Variants in TLK2 observed in about 807,000 individuals in gnomAD.
TLK2 encodes tousled like kinase 2, also known as serine/threonine-protein kinase tousled-like 2.
TLK2 carries 6 observed loss-of-function variants against 117.3 expected under a neutral mutation model. That is an observed-to-expected ratio of 0.05 (90% CI 0.03 to 0.10). The LOEUF (loss-of-function observed/expected upper bound fraction) is 0.10. TLK2 is among the 10% of genes least tolerant of loss of function. TLK2 has a pLI of 1.00. For missense variants in TLK2, 299 were observed against 901.2 expected (o/e 0.33, Z 8.56); for synonymous variants, 257 against 316.7 (o/e 0.81, Z 2.00).
intron 9 of TLK2, among the ~76,000 whole-genome samples, chr17:62,555,881 G>A (rs1426799098): frequency 1.3e-5 from 2 of 152,056 alleles, no homozygotes; most frequent in Non-Finnish European, 2.9e-5. Flanking sequence ...CCCAGTCCCC[G>A]CCTGATGTGA....
intron 16 of TLK2, among the ~76,000 whole-genome samples, chr17:62,587,988 T>C (rs1205731832): frequency 4.7e-5 from 7 of 149,252 alleles, no homozygotes; most frequent in Non-Finnish European, 8.9e-5. Flanking sequence ...CATCTGTATA[T>C]GTATAAAATA....
intron 16 of TLK2, among the ~76,000 whole-genome samples, chr17:62,595,162 A>G (rs1328873418): frequency 2.6e-5 from 4 of 151,858 alleles, no homozygotes. Context: ...GGGTTTCACC[A>G]TGTTGGGTCA....
At chr17:62,529,188 A>G (rs566428154) in intron 6 of TLK2, among the ~76,000 whole-genome samples, 131 of 152,124 alleles carry the variant, frequency 8.6e-4, no homozygotes, top group African/African-American at 2.9e-3. Context: ...ATTTTGTTTT[A>G]TGTATTATGA....
intron 7 of TLK2, among the ~76,000 whole-genome samples, chr17:62,541,651 G>A (rs893922607): frequency 3.3e-5 from 5 of 152,098 alleles, no homozygotes; most frequent in Non-Finnish European, 7.4e-5. Context: ...TGTTGCCCAG[G>A]CTGGGGTACG....
Position 62,596,645 on chromosome 17 carries a change from G to C in TLK2, c.1521G>C (p.Leu507=). 2 of 1,614,142 alleles carry C rather than the reference G, an allele frequency of 1.2e-6. No individual in the cohort carries two copies. Among genetic ancestry groups the C allele is most frequent in the Non-Finnish European group, 1.7e-6 (2 of 1,180,000 alleles). Residue 507 remains leucine (L), a synonymous_variant, in exon 17 of 22, where the codon CTG becomes CTC. Transcript: ENST00000346027. The part of the protein sequence containing the change: ...KELDHPRIVK[L]YDYFSLDTDS... ...TGGATCATCCCAGAATAGTTAAGCT[G>C]TATGATTACTTTTCACTGGATACTG...
chr17:62,555,742 G>A (rs892559041), intron 9 of TLK2, among the ~76,000 whole-genome samples: 1 of 151,960 alleles, frequency 6.6e-6, no homozygotes, highest in African/African-American at 2.4e-5. Context: ...CTCCCAAAGT[G>A]CTGGGATTAC....
intron 6 of TLK2, among the ~76,000 whole-genome samples, chr17:62,534,670 A>G (rs530106551): frequency 6.6e-6 from 1 of 152,172 alleles, no homozygotes; most frequent in South Asian, 2.1e-4. Context: ...AAATGACACT[A>G]AAAATCTTTA....
At chr17:62,498,973 C>G (rs1251027504) in intron 2 of TLK2, among the ~76,000 whole-genome samples, 3 of 152,142 alleles carry the variant, frequency 2.0e-5, no homozygotes, top group Non-Finnish European at 4.4e-5. Flanking sequence ...CGAGACCCTC[C>G]CACCTCAGCC....
chr17:62,497,644 A>C (rs886342502), intron 2 of TLK2, among the ~76,000 whole-genome samples: 1 of 152,212 alleles, frequency 6.6e-6, no homozygotes, highest in African/African-American at 2.4e-5. Context: ...CCTTTCATCT[A>C]TTAGGAGTTG....
At chr17:62,475,986 C>T (rs948387831), upstream of TLK2, among the ~76,000 whole-genome samples, 2 of 146,788 alleles carry the variant, frequency 1.4e-5, no homozygotes, top group African/African-American at 2.5e-5. Flanking sequence ...ATTTTATTAT[C>T]ATTATTTTTG....
chr17:62,555,528 G>C (rs550173291), intron 9 of TLK2, among the ~76,000 whole-genome samples: 1 of 150,402 alleles, frequency 6.6e-6, no homozygotes, highest in East Asian at 1.9e-4. Context: ...TGTCGCCCAG[G>C]CTGAAGTGCA....
rs1321758167 is a variant in TLK2 at position 62,609,582 on chromosome 17, C to T, written c.2079+1434C>T. Reference sequence around the variant, plus strand: ...TCCCCATTGTTCAACAGTTTAAGTACTGCATAACCAAGAAATCAAATCTGC... The same window carrying T: ...TCCCCATTGTTCAACAGTTTAAGTATTGCATAACCAAGAAATCAAATCTGC... On this transcript the variant is annotated intron_variant, in intron 21 of 21. Coordinates refer to ENST00000346027, the MANE Select transcript of TLK2 (RefSeq NM_006852.6). Among the ~76,000 whole-genome samples, 6 of 152,318 alleles carry T rather than the reference C, an allele frequency of 3.9e-5. No individual in the cohort carries two copies. In the South Asian group the frequency reaches 1.2e-3, roughly 32 times the overall value.
At chr17:62,568,431 C>CAAAAAA (rs57725124) in intron 11 of TLK2, among the ~76,000 whole-genome samples, 1 of 57,370 alleles carries the variant, frequency 1.7e-5, no homozygotes, top group Non-Finnish European at 3.7e-5. Context: ...GACCCTGTCT[C>CAAAAAA]AAAAAAAAAA....
At chr17:62,484,052 G>C (rs543010584) in intron 2 of TLK2, among the ~76,000 whole-genome samples, 1 of 151,902 alleles carries the variant, frequency 6.6e-6, no homozygotes, top group Non-Finnish European at 1.5e-5. Flanking sequence ...TCGAACTCCC[G>C]ACCTTGTGAT....
In TLK2 at chr17:62,596,661, C is replaced by G; in HGVS notation, c.1537C>G (p.Leu513Val). The G allele has an allele frequency of 6.2e-7, 1 of 1,613,952 alleles. No homozygotes were observed. Among genetic ancestry groups the G allele is most frequent in the Non-Finnish European group, 8.5e-7 (1 of 1,179,840 alleles). Reference protein sequence around the residue: ...RIVKLYDYFSLDTDSFCTVLE... With the variant: ...RIVKLYDYFSVDTDSFCTVLE... ...AGTTAAGCTGTATGATTACTTTTCA[C>G]TGGATACTGACTCGTAAGTGCTGTG... is the stretch of plus-strand genomic sequence containing the variant. The change falls in exon 17 of 22, where the codon CTG becomes GTG. Residue 513 changes from leucine to valine, a missense_variant. Transcript: ENST00000346027.
chr17:62,524,580 A>G (rs547170238), intron 6 of TLK2, among the ~76,000 whole-genome samples: 1 of 152,352 alleles, frequency 6.6e-6, no homozygotes, highest in Admixed American at 6.5e-5. Context: ...TCAGTAGTCT[A>G]TCAAAGAATT....
intron 7 of TLK2, among the ~76,000 whole-genome samples, chr17:62,548,632 T>C (rs939613722): frequency 1.3e-5 from 2 of 152,138 alleles, no homozygotes; most frequent in African/African-American, 4.8e-5. Flanking sequence ...TCTAACACCC[T>C]CAGTTTGCTG....
intron 11 of TLK2, among the ~76,000 whole-genome samples, chr17:62,568,248 A>T (rs2079962766): frequency 6.6e-6 from 1 of 152,038 alleles, no homozygotes; most frequent in Non-Finnish European, 1.5e-5. Context: ...CCTGGCCAAA[A>T]TGATGAAACC....
intron 6 of TLK2, among the ~76,000 whole-genome samples, chr17:62,527,451 C>T (rs1191144033): frequency 6.6e-6 from 1 of 151,400 alleles, no homozygotes; most frequent in Non-Finnish European, 1.5e-5. Flanking sequence ...TGCAGAAGTC[C>T]CCCTGAGTTC....
Sources: allele counts gnomAD v4.1 joint callset (sites outside exome capture counted in the v4.1 genomes callset), GRCh38; gene constraint gnomAD v4.1.1; transcripts MANE v1.5; gene names NCBI Gene and HGNC (gene_info 2026-07-23, HGNC 2026-07-21).